C1orf141: variants seen among roughly 807,000 people sequenced by gnomAD.
C1orf141 encodes uncharacterized protein C1orf141.
A neutral mutation model predicts 23.2 loss-of-function variants in C1orf141; 19 were observed. The observed-to-expected ratio is 0.82, with a 90% CI of 0.57 to 1.20. The LOEUF is 1.20. Among genes scored for constraint, C1orf141 ranks in the 50% most tolerant of loss-of-function variants. The probability of loss-of-function intolerance (pLI) is 0.00; values close to 1 mark genes in which losing one functional copy is unlikely to be tolerated. For synonymous variants in C1orf141, 153 were observed against 154.6 expected (o/e 0.99, Z 0.08); for missense variants, 469 against 455.1 (o/e 1.03, Z -0.28).
At chr1:67,121,335 T>A (rs556590488) in intron 4 of C1orf141, among the ~76,000 whole-genome samples, 6 of 152,246 alleles carry the variant, frequency 3.9e-5, no homozygotes, top group Non-Finnish European at 7.3e-5. Flanking sequence ...GACTTACTTT[T>A]AAGTTTAATC....
At chr1:67,136,221 G>A (rs116274650), upstream of C1orf141, among the ~76,000 whole-genome samples, 5,251 of 151,938 alleles carry the variant, frequency 0.035, 289 homozygotes, top group African/African-American at 0.12. Context: ...TTATTTTTTT[G>A]TAAGGACAGG....
At chr1:67,137,711 C>T (rs562126566), upstream of C1orf141, among the ~76,000 whole-genome samples, 5 of 152,226 alleles carry the variant, frequency 3.3e-5, no homozygotes, top group Non-Finnish European at 7.3e-5. Context: ...TCAGGCATAA[C>T]ATTCCTAGGG....
chr1:67,097,593 A>G (rs1395877967), intron 5 of C1orf141, among the ~76,000 whole-genome samples: 2 of 152,200 alleles, frequency 1.3e-5, no homozygotes, highest in African/African-American at 4.8e-5. Flanking sequence ...AAGAGTTAAG[A>G]TATTATTCTG....
chr1:67,106,671 G>A (rs534681178), intron 5 of C1orf141, among the ~76,000 whole-genome samples: 1 of 151,806 alleles, frequency 6.6e-6, no homozygotes, highest in East Asian at 1.9e-4. Context: ...AACAAAAACA[G>A]AAACCAGCCA....
chr1:67,130,979 T>C (rs938677451), intron 2 of C1orf141, among the ~76,000 whole-genome samples, 163 bp downstream of exon 2: 7 of 152,206 alleles, frequency 4.6e-5, no homozygotes, highest in Non-Finnish European at 5.9e-5. Context: ...CATAAGTTCA[T>C]CAAGGGCCTA....
intron 5 of C1orf141, among the ~76,000 whole-genome samples, chr1:67,112,519 T>C (rs1219312940): frequency 6.6e-6 from 1 of 151,796 alleles, no homozygotes. Flanking sequence ...CTGGGCAACA[T>C]GGTGAAACCC....
intron 1 of C1orf141, among the ~76,000 whole-genome samples, chr1:67,141,210 C>T (rs1012288730): frequency 8.5e-5 from 13 of 152,134 alleles, no homozygotes; most frequent in South Asian, 2.1e-4. Flanking sequence ...TGTAATAAAA[C>T]ATCCTCAAAA....
chr1:67,140,103 A>G (rs1019384245), intron 1 of C1orf141, among the ~76,000 whole-genome samples: 2 of 152,180 alleles, frequency 1.3e-5, no homozygotes, highest in Non-Finnish European at 2.9e-5. Context: ...CTCAGTCTCC[A>G]TAACTGTGAG....
At chr1:67,136,747 C>G (rs1043465151), upstream of C1orf141, among the ~76,000 whole-genome samples, 6 of 152,094 alleles carry the variant, frequency 3.9e-5, no homozygotes, top group African/African-American at 1.4e-4. Flanking sequence ...TAGAAAAGAC[C>G]TGACTGAAAT....
chr1:67,095,357 A>C lies in C1orf141; in HGVS notation c.481T>G (p.Leu161Val). ...KENKSVRNYQLSKYRSVRKKS... is the reference protein window; with the variant it reads ...KENKSVRNYQVSKYRSVRKKS... The stretch of plus-strand genomic sequence containing the variant: ...TTTCTTACTGACCTATACTTACTTA[A>C]TTGATAATTTCTGACCGATTTGTTT... The change falls in exon 7 of 8, where the codon TTA becomes GTA. Residue 161 changes from leucine (L) to valine (V), a missense_variant. Leu to Val is a conservative substitution (Grantham distance 32, BLOSUM62 1). Around this residue, in one of 3 missense-constraint regions of C1orf141, gnomAD observed 370 missense variants for 348.1 expected, o/e 1.06. Transcript: ENST00000684719. 6.3e-7 allele frequency: 1 copy of C among 1,574,824 alleles called. No homozygotes were observed. The highest frequency in any genetic ancestry group is 8.7e-7 in the Non-Finnish European group (1 of 1,153,918).
chr1:67,114,303 AT>A (rs1461800871), intron 5 of C1orf141, among the ~76,000 whole-genome samples: 3 of 144,520 alleles, frequency 2.1e-5, no homozygotes, highest in Non-Finnish European at 3.1e-5. Context: ...AAAAAAAAAA[AT>A]CTTTTCTGGA....
chr1:67,137,673 G>T (rs1646597434), upstream of C1orf141, among the ~76,000 whole-genome samples: 1 of 152,118 alleles, frequency 6.6e-6, no homozygotes, highest in Admixed American at 6.6e-5. Context: ...TATGACTCAA[G>T]GTCTCCAGGC....
chr1:67,103,705 A>T (rs540456552), intron 5 of C1orf141, among the ~76,000 whole-genome samples: 32 of 152,202 alleles, frequency 2.1e-4, no homozygotes, highest in African/African-American at 7.7e-4. Context: ...GTTCAGGGGA[A>T]GTCTAAAGTT....
At chr1:67,116,880 C>G (rs994104788) in intron 4 of C1orf141, among the ~76,000 whole-genome samples, 1 of 152,150 alleles carries the variant, frequency 6.6e-6, no homozygotes, top group Non-Finnish European at 1.5e-5. Context: ...TCCAGCCCAC[C>G]CCACTTCCCC....
intron 5 of C1orf141, among the ~76,000 whole-genome samples, chr1:67,113,376 T>G (rs555897163): frequency 1.0e-3 from 158 of 151,688 alleles, no homozygotes; most frequent in South Asian, 3.6e-3. Context: ...TTTTCTTTCT[T>G]TTTTTTTAGA....
chr1:67,100,043 C>T (rs748069204), intron 5 of C1orf141, among the ~76,000 whole-genome samples: 4 of 151,936 alleles, frequency 2.6e-5, no homozygotes, highest in South Asian at 2.1e-4. Flanking sequence ...GTATAATTTA[C>T]GTACAATAAA....
intron 5 of C1orf141, among the ~76,000 whole-genome samples, chr1:67,097,974 C>G (rs1373484118): frequency 2.0e-5 from 3 of 152,162 alleles, no homozygotes; most frequent in Non-Finnish European, 4.4e-5. Context: ...GAATAAAAAT[C>G]ACTCCTTTCC....
chr1:67,135,558 C>T (rs1233172922), upstream of C1orf141, among the ~76,000 whole-genome samples: 1 of 152,118 alleles, frequency 6.6e-6, no homozygotes, highest in African/African-American at 2.4e-5. Flanking sequence ...CACTGACATA[C>T]ATTCTGCTGT....
chr1:67,129,849 T>G (rs1646485964), intron 2 of C1orf141, among the ~76,000 whole-genome samples: 1 of 152,178 alleles, frequency 6.6e-6, no homozygotes, highest in South Asian at 2.1e-4. Flanking sequence ...TAGTGCCAAT[T>G]TGTAACATTT....
Sources: allele counts gnomAD v4.1 joint callset (sites outside exome capture counted in the v4.1 genomes callset), GRCh38; gene constraint gnomAD v4.1.1; regional missense constraint gnomAD v4.1.1; transcripts MANE v1.5; gene names NCBI Gene and HGNC (gene_info 2026-07-23, HGNC 2026-07-21).